SH3PXD2A: variants seen among roughly 807,000 people sequenced by gnomAD.
The protein encoded by SH3PXD2A is SH3 and PX domains 2A.
In SH3PXD2A, 32 loss-of-function variants were observed where a neutral mutation model predicts 115.2. The ratio of observed to expected loss-of-function variants is 0.28; its 90% CI spans 0.21 to 0.37. The LOEUF is 0.37. SH3PXD2A is among the 10% of genes least tolerant of loss of function. The pLI is 1.00. For missense variants in SH3PXD2A, 1,328 were observed against 1,498.7 expected (o/e 0.89, Z 1.88); for synonymous variants, 610 against 629.1 (o/e 0.97, Z 0.45).
chr10:103,830,279 C>T (rs1262791637), intron 1 of SH3PXD2A, among the ~76,000 whole-genome samples: 1 of 152,172 alleles, frequency 6.6e-6, no homozygotes, highest in Non-Finnish European at 1.5e-5. Flanking sequence ...ACAAGGGAGA[C>T]AGGCCAGGAA....
chr10:103,721,248 C>T (rs959211994), intron 5 of SH3PXD2A, among the ~76,000 whole-genome samples: 1 of 152,218 alleles, frequency 6.6e-6, no homozygotes, highest in Admixed American at 6.5e-5. Flanking sequence ...CCCTCTTGAC[C>T]AGCTCGTGAG....
At chr10:103,687,046 T>C (rs1407953784) in intron 6 of SH3PXD2A, among the ~76,000 whole-genome samples, 2 of 152,002 alleles carry the variant, frequency 1.3e-5, no homozygotes, top group Admixed American at 1.3e-4. Flanking sequence ...CTGCGCCTGG[T>C]TGGGAATGTA....
intron 14 of SH3PXD2A, among the ~76,000 whole-genome samples, chr10:103,605,000 T>C (rs1311270712): frequency 6.6e-6 from 1 of 152,174 alleles, no homozygotes; most frequent in African/African-American, 2.4e-5. Context: ...TTAACTCAAT[T>C]ACTACACAAA....
chr10:103,800,803 C>A (rs1328895926), intron 2 of SH3PXD2A, among the ~76,000 whole-genome samples: 1 of 152,206 alleles, frequency 6.6e-6, no homozygotes, highest in Non-Finnish European at 1.5e-5. Context: ...GTGGCAAGTG[C>A]CTCATTCGGT....
rs776005134 is a variant in SH3PXD2A, at chr10:103,612,885, A to G, written c.1226T>C (p.Val409Ala). 6.3e-7 allele frequency: 1 copy of G among 1,588,518 alleles called. No homozygotes were observed. Reference sequence around the variant, plus strand: ...GGCCCGCTGAGGGGCAATCCTGGCCACAGCTGGAGAGCCCTGGGCCAGCCT... The same window carrying G: ...GGCCCGCTGAGGGGCAATCCTGGCCGCAGCTGGAGAGCCCTGGGCCAGCCT... The part of the protein sequence containing the change: ...VSRLAQGSPA[V>A]ARIAPQRAQI... The change falls in exon 12 of 15, where the codon GTG becomes GCG. Residue 409 changes from valine to alanine, a missense_variant. Val to Ala is a moderately conservative substitution (Grantham distance 64). Transcript: ENST00000369774.
At chr10:103,697,047 TTGG>T (rs2037833860) in intron 5 of SH3PXD2A, among the ~76,000 whole-genome samples, 1 of 152,092 alleles carries the variant, frequency 6.6e-6, no homozygotes, top group Admixed American at 6.5e-5. Context: ...GGTTCCTCTC[TTGG>T]CCCCTCCCCA....
intron 8 of SH3PXD2A, among the ~76,000 whole-genome samples, chr10:103,648,392 C>A (rs1304078728): frequency 2.0e-5 from 3 of 152,164 alleles, no homozygotes; most frequent in Non-Finnish European, 4.4e-5. Flanking sequence ...TGCATTCTTC[C>A]CCATCAAAGC....
chr10:103,783,186 G>A (rs996598800), intron 2 of SH3PXD2A, among the ~76,000 whole-genome samples: 2 of 152,236 alleles, frequency 1.3e-5, no homozygotes, highest in South Asian at 2.1e-4. Flanking sequence ...CCCAGGGCCT[G>A]GGGGCAGGCA....
intron 6 of SH3PXD2A, among the ~76,000 whole-genome samples, chr10:103,691,077 C>T (rs540806341): frequency 6.6e-6 from 1 of 152,066 alleles, no homozygotes; most frequent in Non-Finnish European, 1.5e-5. Flanking sequence ...GAGATTGTGG[C>T]GGGGGACCTG....
intron 2 of SH3PXD2A, among the ~76,000 whole-genome samples, chr10:103,771,520 G>C (rs958991037): frequency 6.6e-6 from 1 of 152,128 alleles, no homozygotes; most frequent in African/African-American, 2.4e-5. Flanking sequence ...GGGAGGACAA[G>C]GCAGGAGGAC....
chr10:103,830,994 C>T (rs903562023), intron 1 of SH3PXD2A, among the ~76,000 whole-genome samples: 31 of 152,354 alleles, frequency 2.0e-4, no homozygotes, highest in African/African-American at 6.0e-4. Flanking sequence ...ACATGATCTA[C>T]ATTTTTAGGT....
intron 2 of SH3PXD2A, among the ~76,000 whole-genome samples, chr10:103,783,450 G>T (rs1207657127): frequency 1.6e-5 from 1 of 63,710 alleles, no homozygotes; most frequent in African/African-American, 3.8e-5. Context: ...GGCTGTCTCT[G>T]GGGGGCAGAG....
chr10:103,835,154 C>T (rs2039524609), intron 1 of SH3PXD2A, among the ~76,000 whole-genome samples: 1 of 152,140 alleles, frequency 6.6e-6, no homozygotes, highest in Non-Finnish European at 1.5e-5. Context: ...TGGCTAGGTA[C>T]CAGGAAGCCC....
chr10:103,766,974 A>C (rs1238490392), intron 3 of SH3PXD2A, 120 bp downstream of exon 3: 4 of 706,190 alleles, frequency 5.7e-6, no homozygotes, highest in Non-Finnish European at 7.5e-6. Flanking sequence ...AATTGTTCAT[A>C]TGCAGATTCC....
At chr10:103,806,525 C>A (rs1357257113) in intron 1 of SH3PXD2A, among the ~76,000 whole-genome samples, 1 of 152,106 alleles carries the variant, frequency 6.6e-6, no homozygotes, top group Non-Finnish European at 1.5e-5. Flanking sequence ...CAGAGGTCAT[C>A]CAAGAAAGCC....
chr10:103,836,452 C>T (rs1328592939), intron 1 of SH3PXD2A, among the ~76,000 whole-genome samples: 1 of 151,452 alleles, frequency 6.6e-6, no homozygotes, highest in Non-Finnish European at 1.5e-5. Flanking sequence ...ACACATAACA[C>T]ATCCCCTAAC....
chr10:103,627,080 A>G lies in SH3PXD2A; in HGVS notation c.718+9T>C. On this transcript the variant is annotated intron_variant, in intron 9 of 14. Coordinates refer to ENST00000369774, the MANE Select transcript of SH3PXD2A (RefSeq NM_001394015.1). The surrounding 1 kb of genome is among the most constrained non-coding windows in gnomAD (Gnocchi z 4.4). ...TTGCTCCCTGCCCCTTGGACCTGCAAGCCCTCACCTTCTCCAGTCTTAGAG... is the reference window on the plus strand; with the variant it reads ...TTGCTCCCTGCCCCTTGGACCTGCAGGCCCTCACCTTCTCCAGTCTTAGAG... 1 of 1,539,486 alleles carries G rather than the reference A, an allele frequency of 6.5e-7. No individual in the cohort carries two copies. The highest frequency in any genetic ancestry group is 9.0e-7 in the Non-Finnish European group (1 of 1,111,970).
chr10:103,763,464 T>G (rs2038721995), intron 3 of SH3PXD2A, among the ~76,000 whole-genome samples: 1 of 152,226 alleles, frequency 6.6e-6, no homozygotes, highest in South Asian at 2.1e-4. Context: ...CTGGCAAGGC[T>G]ATTCTCAAGG....
chr10:103,609,501 A>G (rs2036392754), intron 13 of SH3PXD2A: 2 of 152,250 alleles, frequency 1.3e-5, no homozygotes, highest in African/African-American at 2.4e-5. Context: ...GCACAGCAGC[A>G]TCTAAGCATG....
Sources: gnomAD v4.1 joint callset for allele counts (sites outside exome capture counted in the v4.1 genomes callset) on GRCh38, gnomAD v4.1.1 for gene constraint, Gnocchi (gnomAD v3.1) non-coding constraint, MANE v1.5 for transcripts, NCBI Gene and HGNC (gene_info 2026-07-23, HGNC 2026-07-21) for gene names.